DIAPH3: variants seen among roughly 807,000 people sequenced by gnomAD.
DIAPH3 encodes diaphanous related formin 3.
Under a neutral mutation model 144.3 loss-of-function variants are expected in DIAPH3, and 117 were observed. The observed-to-expected ratio is 0.81, with a 90% CI of 0.70 to 0.95. The LOEUF (loss-of-function observed/expected upper bound fraction) is 0.95. DIAPH3 is among the 40% of genes least tolerant of loss of function. DIAPH3 has a pLI of 0.00. For missense variants in DIAPH3, 1,421 were observed against 1,412.7 expected, an observed-to-expected ratio of 1.01 and a Z score of -0.09; for synonymous variants, 519 against 488.9, an observed-to-expected ratio of 1.06 and a Z score of -0.81.
At chr13:60,146,548 C>T (rs939443391) in intron 1 of DIAPH3, among the ~76,000 whole-genome samples, 1 of 152,176 alleles carries the variant, frequency 6.6e-6, no homozygotes, top group African/African-American at 2.4e-5. Context: ...CGGCCCAATA[C>T]TGTACCTAAT....
At chr13:59,794,105 C>A (rs1020003134) in intron 25 of DIAPH3, among the ~76,000 whole-genome samples, 1 of 152,102 alleles carries the variant, frequency 6.6e-6, no homozygotes, top group Admixed American at 6.5e-5. Context: ...TATGATTTTG[C>A]CCAGCTGTAG....
chr13:59,962,687 C>T (rs993264223), intron 17 of DIAPH3, among the ~76,000 whole-genome samples: 1 of 152,070 alleles, frequency 6.6e-6, no homozygotes, highest in African/African-American at 2.4e-5. Context: ...TAAGGTTTTT[C>T]CCGCCCGGTC....
intron 24 of DIAPH3, among the ~76,000 whole-genome samples, chr13:59,811,660 C>T (rs1446212278): frequency 6.7e-6 from 1 of 149,904 alleles, no homozygotes; most frequent in Non-Finnish European, 1.5e-5. Context: ...TGGTGTGAAC[C>T]CAGGAGGCAG....
At chr13:59,689,790 AGTGTGTGT>A (rs57544810) in intron 27 of DIAPH3, among the ~76,000 whole-genome samples, 2 of 149,872 alleles carry the variant, frequency 1.3e-5, no homozygotes, top group South Asian at 2.1e-4. Context: ...TGTATTAAGC[AGTGTGTGT>A]GTGTGTGTGT....
intron 27 of DIAPH3, among the ~76,000 whole-genome samples, chr13:59,756,583 G>C (rs2139156913): frequency 6.6e-6 from 1 of 152,064 alleles, no homozygotes; most frequent in East Asian, 1.9e-4. Context: ...ATCTGCTAAA[G>C]TTGCTGTTAA....
chr13:60,124,151 C>A (rs540299545), intron 2 of DIAPH3, among the ~76,000 whole-genome samples: 12 of 152,170 alleles, frequency 7.9e-5, no homozygotes, highest in African/African-American at 2.9e-4. Context: ...ACAGTTATAC[C>A]GAGGAAGAAG....
At chr13:59,740,295 C>A (rs978584541) in intron 27 of DIAPH3, among the ~76,000 whole-genome samples, 28 of 152,244 alleles carry the variant, frequency 1.8e-4, no homozygotes, top group African/African-American at 6.5e-4. Context: ...TCCAATTCAC[C>A]TCTACCATAT....
intron 27 of DIAPH3, among the ~76,000 whole-genome samples, chr13:59,700,765 C>T (rs1345574611): frequency 6.6e-6 from 1 of 152,164 alleles, no homozygotes; most frequent in East Asian, 1.9e-4. Flanking sequence ...AGTTCATCTG[C>T]TATAACGGTA....
intron 9 of DIAPH3, among the ~76,000 whole-genome samples, chr13:60,003,358 T>G (rs1041302632): frequency 6.6e-6 from 1 of 152,124 alleles, no homozygotes; most frequent in African/African-American, 2.4e-5. Context: ...ATATTTAATT[T>G]TGTAATAACA....
At chr13:59,777,561 T>C (rs1450144808) in intron 25 of DIAPH3, among the ~76,000 whole-genome samples, 1 of 152,152 alleles carries the variant, frequency 6.6e-6, no homozygotes, top group Non-Finnish European at 1.5e-5. Flanking sequence ...AGAAATCTGG[T>C]AGATACCACC....
chr13:59,836,419 A>G (rs2042047678), intron 23 of DIAPH3, among the ~76,000 whole-genome samples: 2 of 151,852 alleles, frequency 1.3e-5, no homozygotes, highest in Admixed American at 6.6e-5. Flanking sequence ...GAAATATTCA[A>G]TTCTAATTAA....
At chr13:59,793,474 T>C (rs1209676235) in intron 25 of DIAPH3, among the ~76,000 whole-genome samples, 1 of 152,196 alleles carries the variant, frequency 6.6e-6, no homozygotes, top group Non-Finnish European at 1.5e-5. Flanking sequence ...CTAAAGTCAA[T>C]GGGATGGCTG....
chr13:60,019,456 A>G (rs2053862322), intron 5 of DIAPH3, among the ~76,000 whole-genome samples: 1 of 152,132 alleles, frequency 6.6e-6, no homozygotes, highest in South Asian at 2.1e-4. Flanking sequence ...TAAATACTAA[A>G]TCTACCTCTT....
chr13:60,023,850 C>T (rs1387212300), intron 5 of DIAPH3, among the ~76,000 whole-genome samples: 1 of 68,874 alleles, frequency 1.5e-5, no homozygotes, highest in Non-Finnish European at 2.5e-5. Context: ...ACTATTCAGC[C>T]TTTTTTTTTT....
intron 1 of DIAPH3, among the ~76,000 whole-genome samples, chr13:60,154,705 G>T (rs933111106): frequency 6.6e-6 from 1 of 152,170 alleles, no homozygotes; most frequent in Non-Finnish European, 1.5e-5. Context: ...AGTTACCTTT[G>T]TAGATCCTGT....
At chr13:59,953,023 G>A (rs1037720767) in intron 17 of DIAPH3, among the ~76,000 whole-genome samples, 6 of 152,144 alleles carry the variant, frequency 3.9e-5, no homozygotes, top group African/African-American at 1.4e-4. Flanking sequence ...ATGTTAGAAG[G>A]AGATAAATGA....
At chr13:59,684,365 C>T (rs535481305) in intron 27 of DIAPH3, among the ~76,000 whole-genome samples, 7 of 152,208 alleles carry the variant, frequency 4.6e-5, no homozygotes, top group African/African-American at 1.2e-4. Context: ...TAGTTGCAAA[C>T]GGTACATTTG....
At chr13:59,976,137 T>C (rs913958916) in intron 14 of DIAPH3, among the ~76,000 whole-genome samples, 1 of 151,954 alleles carries the variant, frequency 6.6e-6, no homozygotes, top group African/African-American at 2.4e-5. Context: ...AGTCAACTTT[T>C]TCAAAGGGTA....
At chr13:59,763,332 G>A (rs2037704272) in intron 27 of DIAPH3, among the ~76,000 whole-genome samples, 1 of 151,254 alleles carries the variant, frequency 6.6e-6, no homozygotes. Context: ...ACATATATGT[G>A]TGTACACACA....
Sources: gnomAD v4.1 joint callset for allele counts (sites outside exome capture counted in the v4.1 genomes callset) on GRCh38, gnomAD v4.1.1 for gene constraint, MANE v1.5 for transcripts, NCBI Gene and HGNC (gene_info 2026-07-23, HGNC 2026-07-21) for gene names.